F11R: variants seen among roughly 807,000 people sequenced by gnomAD.
The protein encoded by F11R is junctional adhesion molecule A.
A neutral mutation model predicts 39.3 loss-of-function variants in F11R; 27 were observed. That is an observed-to-expected ratio of 0.69 (90% CI 0.51 to 0.95). F11R has a LOEUF of 0.95. Among genes scored for constraint, F11R ranks in the 40% least tolerant of loss-of-function variants. The pLI is 0.00. For synonymous variants in F11R, 131 were observed against 144.9 expected, an observed-to-expected ratio of 0.90 and a Z score of 0.69; for missense variants, 335 against 372.7, an observed-to-expected ratio of 0.90 and a Z score of 0.83.
chr1:161,020,982 G>T lies in F11R; in HGVS notation c.64+28C>A, dbSNP rs749616727. The T allele has an allele frequency of 3.7e-6, 6 of 1,611,784 alleles. No individual in the cohort carries two copies. In the South Asian group the frequency reaches 5.5e-5, roughly 15 times the overall value. On this transcript the variant is annotated intron_variant, in intron 1 of 9. Coordinates refer to ENST00000368026, the MANE Select transcript of F11R (RefSeq NM_016946.6). ...CCTCCAACCTCTGACCCGACCAACC[G>T]ATTCCTCCCGAAACTCTGGGAACTT... is the stretch of plus-strand genomic sequence containing the variant.
intron 1 of F11R, among the ~76,000 whole-genome samples, chr1:161,004,998 T>A (rs1158027734): frequency 6.6e-6 from 1 of 151,110 alleles, no homozygotes; most frequent in Admixed American, 6.6e-5. Context: ...TCGTCTCTAG[T>A]AAAAGTACAA....
At chr1:161,014,548 TA>T (rs1157128227) in intron 1 of F11R, among the ~76,000 whole-genome samples, 3 of 151,932 alleles carry the variant, frequency 2.0e-5, no homozygotes, top group Admixed American at 6.6e-5. Flanking sequence ...ACTAAAAAAA[TA>T]AAAAATTAGC....
chr1:161,001,142 A>C lies in F11R; in HGVS notation c.134-15T>G. 6.2e-7 allele frequency: 1 copy of C among 1,612,428 alleles called. No homozygotes were observed. Among genetic ancestry groups the C allele is most frequent in the South Asian group, 1.1e-5 (1 of 91,040 alleles). ...CAACTTCACAGCTGCAGACAGGGTC[A>C]AAATGAGCCGAAGGAAGAAGCAGCA... On this transcript the variant is annotated splice_polypyrimidine_tract_variant and intron_variant, in intron 2 of 9. Transcript: ENST00000368026.
At chr1:161,015,407 A>AAATAT (rs571469825) in intron 1 of F11R, among the ~76,000 whole-genome samples, 195 of 136,152 alleles carry the variant, frequency 1.4e-3, no homozygotes, top group Middle Eastern at 3.6e-3. Context: ...CAAAAAAAAA[A>AAATAT]ATATATATAT....
rs999723153 is a variant in F11R at position 161,020,072 on chromosome 1, C to T, written c.64+938G>A. Among the ~76,000 whole-genome samples, 3 of 152,176 alleles carry T rather than the reference C, an allele frequency of 2.0e-5. No individual in the cohort carries two copies. In the East Asian group the frequency reaches 5.8e-4, roughly 29 times the overall value. On this transcript the variant is annotated intron_variant, in intron 1 of 9. Transcript: ENST00000368026. ...AACTACTCACACAACGACACGCACA[C>T]TCAAGAATCAGATAAACACACAGGT...
At chr1:161,011,525 T>C (rs899592231) in intron 1 of F11R, among the ~76,000 whole-genome samples, 6 of 152,054 alleles carry the variant, frequency 3.9e-5, no homozygotes, top group Admixed American at 6.6e-5. Context: ...GGTCAGGAGT[T>C]CAGGACCAGC....
chr1:160,998,153 G>A lies in F11R; in HGVS notation c.*718C>T, dbSNP rs764593129. On this transcript the variant is annotated 3_prime_UTR_variant, in exon 10 of 10. Transcript: ENST00000368026. The stretch of plus-strand genomic sequence containing the variant: ...TGCCTCAGCCTCTGGGATTATAGGC[G>A]TGAGCCACTGCGCCCAGCCTCCAGT... The A allele has an allele frequency of 5.2e-5, 8 of 152,564 alleles. No homozygotes were observed. Among genetic ancestry groups the A allele is most frequent in the Admixed American group, 1.3e-4 (2 of 15,272 alleles). The allele number at this position is 152,564 out of a possible 1,614,324, so 9.5% of individuals were successfully genotyped here.
At chr1:161,002,486 A>G (rs183788754) in intron 1 of F11R, 1 of 152,254 alleles carries the variant, frequency 6.6e-6, no homozygotes, top group Non-Finnish European at 1.5e-5. Context: ...CAAATTAAGA[A>G]CCAGTGACCA....
In F11R at chr1:160,999,627, G is replaced by A. The variant is rs1361028478; in HGVS notation, c.802+13C>T. ...GGCAGTACAAAGGAGAGCCTCTGGGGGCAGATACTTACTGTCAAAGTGGCC... is the reference window on the plus strand; with the variant it reads ...GGCAGTACAAAGGAGAGCCTCTGGGAGCAGATACTTACTGTCAAAGTGGCC... On this transcript the variant is annotated intron_variant, in intron 7 of 9. Coordinates refer to ENST00000368026, the MANE Select transcript of F11R (RefSeq NM_016946.6). 1.2e-6 allele frequency: 2 copies of A among 1,609,414 alleles called. No homozygotes were observed. Among genetic ancestry groups the A allele is most frequent in the Non-Finnish European group, 1.7e-6 (2 of 1,175,836 alleles).
chr1:161,012,446 G>C (rs1649210361), intron 1 of F11R, among the ~76,000 whole-genome samples: 1 of 151,774 alleles, frequency 6.6e-6, no homozygotes, highest in African/African-American at 2.4e-5. Context: ...CCATCTCTAT[G>C]CCTCAGGGAT....
At chr1:161,002,674 T>G (rs1648560079) in intron 1 of F11R, 1 of 152,246 alleles carries the variant, frequency 6.6e-6, no homozygotes, top group South Asian at 2.1e-4. Flanking sequence ...TACATTTTTC[T>G]TTTACTTAAT....
intron 2 of F11R, 42 bp downstream of exon 2, chr1:161,001,243 A>G (rs1348302544): frequency 1.2e-6 from 2 of 1,609,582 alleles, no homozygotes; most frequent in South Asian, 2.2e-5. Context: ...GGCGGCCGGC[A>G]ACTGCTCACC....
At chr1:161,010,863 G>A (rs1168285686) in intron 1 of F11R, among the ~76,000 whole-genome samples, 4 of 150,152 alleles carry the variant, frequency 2.7e-5, no homozygotes, top group African/African-American at 9.8e-5. Context: ...GCAGGCACCT[G>A]AATCCCAGCT....
In F11R at chr1:161,021,096, C is replaced by A; in HGVS notation, c.-23G>T. 1 of 1,608,854 alleles carries A rather than the reference C, an allele frequency of 6.2e-7. No individual in the cohort carries two copies. ...CATCGCGATCAGGCTCCCGACACAA[C>A]AGCCGCCGAAGGACTCCTGGGAACA... On this transcript the variant is annotated 5_prime_UTR_variant, in exon 1 of 10. Coordinates refer to ENST00000368026, the MANE Select transcript of F11R (RefSeq NM_016946.6).
intron 1 of F11R, among the ~76,000 whole-genome samples, chr1:161,005,348 G>A (rs917966949): frequency 2.1e-5 from 3 of 140,682 alleles, no homozygotes; most frequent in South Asian, 2.6e-4. Context: ...CTGTTGCCCC[G>A]GCTAGAGTTC....
intron 8 of F11R, 41 bp from the exon 9 acceptor site, chr1:160,999,132 G>A (rs749191205): frequency 1.9e-6 from 3 of 1,613,630 alleles, no homozygotes; most frequent in Non-Finnish European, 2.5e-6. Flanking sequence ...AGCCACCTAG[G>A]TGCTTATTAA....
At chr1:161,011,876 A>G (rs950825146) in intron 1 of F11R, among the ~76,000 whole-genome samples, 1 of 152,066 alleles carries the variant, frequency 6.6e-6, no homozygotes, top group African/African-American at 2.4e-5. Context: ...AGTCCTTTGC[A>G]TTTTCCTATT....
In F11R at chr1:161,000,698, G is replaced by A. The variant is rs1557889663; in HGVS notation, c.321C>T (p.Tyr107=). The change falls in exon 4 of 10, where the codon TAC becomes TAT. Residue 107 remains tyrosine (Y), a synonymous_variant. Transcript: ENST00000368026. ...KSVTREDTGT[Y]TCMVSEEGGN... ...CGCCTTCCTCAGAGACCATACAAGT[G>A]TATGTCCCAGTGTCTTCCCGTGTCA... 2 of 1,614,060 alleles carry A rather than the reference G, an allele frequency of 1.2e-6. No homozygotes were observed. The highest frequency in any genetic ancestry group is 1.7e-6 in the Non-Finnish European group (2 of 1,180,032).
rs1274961184 is a variant in F11R, at chr1:160,997,880, C to G, written c.*991G>C. 1 of 153,006 alleles carries G rather than the reference C, an allele frequency of 6.5e-6. No homozygotes were observed. The highest frequency in any genetic ancestry group is 2.4e-5 in the African/African-American group (1 of 41,438). The allele number at this position is 153,006 out of a possible 1,614,324, so 9.5% of individuals were successfully genotyped here. A position where few individuals can be genotyped will look rare whatever the true frequency, so the allele number is the denominator to read the frequency against. Reference sequence around the variant, plus strand: ...ACCACTACACACATCTCCACAGCACCACAGGCACATCTCAAAAGGGTCTGT... The same window carrying G: ...ACCACTACACACATCTCCACAGCACGACAGGCACATCTCAAAAGGGTCTGT... On this transcript the variant is annotated 3_prime_UTR_variant, in exon 10 of 10. Coordinates refer to ENST00000368026, the MANE Select transcript of F11R (RefSeq NM_016946.6).
Sources: gnomAD v4.1 joint callset for allele counts (sites outside exome capture counted in the v4.1 genomes callset) on GRCh38, gnomAD v4.1.1 for gene constraint, MANE v1.5 for transcripts, NCBI Gene and HGNC (gene_info 2026-07-23, HGNC 2026-07-21) for gene names.